MAPK4: variants seen among roughly 807,000 people sequenced by gnomAD.
The protein encoded by MAPK4 is mitogen-activated protein kinase 4.
MAPK4 carries 22 observed loss-of-function variants against 47.7 expected under a neutral mutation model. The ratio of observed to expected loss-of-function variants is 0.46; its 90% CI spans 0.33 to 0.66. MAPK4 has a LOEUF of 0.66. Among genes scored for constraint, MAPK4 ranks in the 30% least tolerant of loss-of-function variants. The probability of loss-of-function intolerance (pLI) is 0.02; values close to 1 mark genes in which losing one functional copy is unlikely to be tolerated. For missense variants in MAPK4, 736 were observed against 831.7 expected (o/e 0.88, Z 1.42); for synonymous variants, 390 against 365.7 (o/e 1.07, Z -0.76).
chr18:50,723,002 G>A (rs181176736), intron 4 of MAPK4, among the ~76,000 whole-genome samples: 29 of 152,314 alleles, frequency 1.9e-4, no homozygotes, highest in African/African-American at 6.5e-4. Context: ...CGGGGAGGGT[G>A]AGCCTAGGGA....
rs372282792 is a variant in MAPK4, at chr18:50,614,913, G to A, written c.-870-48176G>A. On this transcript the variant is annotated intron_variant, in intron 1 of 5. Transcript: ENST00000400384. Reference sequence around the variant, plus strand: ...TCTGTTACATTGCTGGTCTCTGAGGGAGGAGTTGTTGAGTCAATACTTAAG... The same window carrying A: ...TCTGTTACATTGCTGGTCTCTGAGGAAGGAGTTGTTGAGTCAATACTTAAG... Among the ~76,000 whole-genome samples, 17 of 152,308 alleles carry A rather than the reference G, an allele frequency of 1.1e-4. 1 individual carries two copies. The East Asian group carries it at 1.9e-3, about 17-fold the overall frequency.
intron 1 of MAPK4, among the ~76,000 whole-genome samples, chr18:50,628,797 G>C (rs9304402): frequency 0.46 from 69,286 of 152,040 alleles, 16,010 homozygotes; most frequent in Middle Eastern, 0.56. Flanking sequence ...TATCACAATT[G>C]TCTCAGCTAA....
intron 1 of MAPK4, among the ~76,000 whole-genome samples, chr18:50,641,862 G>T (rs2042943827): frequency 6.6e-6 from 1 of 152,170 alleles, no homozygotes; most frequent in Non-Finnish European, 1.5e-5. Flanking sequence ...GCATAATTCT[G>T]TATCTATCTT....
Position 50,665,531 on chromosome 18 carries a change from G to T in MAPK4, c.546+1027G>T, listed in dbSNP as rs149076471. Among the ~76,000 whole-genome samples, 930 of 152,320 alleles carry T rather than the reference G, an allele frequency of 6.1e-3. 9 individuals carry two copies. The highest frequency in any genetic ancestry group is 0.021 in the African/African-American group (877 of 41,572). On this transcript the variant is annotated intron_variant, in intron 2 of 5. Coordinates refer to ENST00000400384, the MANE Select transcript of MAPK4 (RefSeq NM_002747.4). ...GGGGTGGGTCATGAAAGGGGAGGGT[G>T]GTTTTGACCTTGAACATGCTTTGGC...
chr18:50,632,549 T>C (rs1457222695), intron 1 of MAPK4, among the ~76,000 whole-genome samples: 1 of 152,146 alleles, frequency 6.6e-6, no homozygotes, highest in African/African-American at 2.4e-5. Flanking sequence ...TTATGGAATT[T>C]TGTGAGTTAT....
chr18:50,639,414 G>T (rs2042918982), intron 1 of MAPK4, among the ~76,000 whole-genome samples: 1 of 152,120 alleles, frequency 6.6e-6, no homozygotes, highest in Non-Finnish European at 1.5e-5. Flanking sequence ...AAGGGAGGTG[G>T]GGGTAAATGA....
intron 1 of MAPK4, among the ~76,000 whole-genome samples, chr18:50,635,413 C>T (rs1244558128): frequency 6.6e-6 from 1 of 152,106 alleles, no homozygotes. Flanking sequence ...CATTTCTATA[C>T]CCACCAGCAC....
chr18:50,722,451 G>A (rs1322663088), intron 4 of MAPK4, among the ~76,000 whole-genome samples: 1 of 152,190 alleles, frequency 6.6e-6, no homozygotes, highest in Admixed American at 6.5e-5. Flanking sequence ...CAGCCTGAGG[G>A]CAAGACCCAG....
intron 1 of MAPK4, among the ~76,000 whole-genome samples, chr18:50,570,108 A>C (rs2042236808): frequency 6.6e-6 from 1 of 152,254 alleles, no homozygotes; most frequent in African/African-American, 2.4e-5. Flanking sequence ...GGTGGGACCC[A>C]GTCAGATCAT....
rs1308541769 is a variant in MAPK4, at chr18:50,663,258, C to G, written c.-701C>G. The G allele has an allele frequency of 6.6e-6, 1 of 152,228 alleles. No individual in the cohort carries two copies. Among genetic ancestry groups the G allele is most frequent in the Non-Finnish European group, 1.5e-5 (1 of 68,070 alleles). 9.4% of individuals were successfully genotyped at this position (152,228 alleles called of 1,614,324 possible). On this transcript the variant is annotated 5_prime_UTR_variant, in exon 2 of 6. Transcript: ENST00000400384. ...AGCTGAGCTCCCCTGCATTTGGAAC[C>G]TCAGGCGTAACTTGGTGTAGAGCTC...
At position 50,681,791 on chromosome 18, in the gene MAPK4, T is replaced by C. The variant is rs192400754; in HGVS notation, c.546+17287T>C. ...ATATATCGCTGTTATTCCAGTACTATGCTATCTCAACTACTGCAGTTTGTA... is the reference window on the plus strand; with the variant it reads ...ATATATCGCTGTTATTCCAGTACTACGCTATCTCAACTACTGCAGTTTGTA... On this transcript the variant is annotated intron_variant, in intron 2 of 5. Coordinates refer to ENST00000400384, the MANE Select transcript of MAPK4 (RefSeq NM_002747.4). Among the ~76,000 whole-genome samples, 187 of 152,328 alleles carry C rather than the reference T, an allele frequency of 1.2e-3. 1 individual carries two copies. The highest frequency in any genetic ancestry group is 7.1e-3 in the Admixed American group (109 of 15,300).
intron 4 of MAPK4, 137 bp from the exon 5 acceptor site, chr18:50,725,825 G>C: frequency 2.7e-6 from 2 of 746,800 alleles, no homozygotes; most frequent in Non-Finnish European, 4.6e-6. Flanking sequence ...AGGGTCTTGA[G>C]AAAGAAAATG....
chr18:50,697,054 TTGTC>T (rs553898909), intron 2 of MAPK4, among the ~76,000 whole-genome samples: 2 of 152,028 alleles, frequency 1.3e-5, no homozygotes, highest in Non-Finnish European at 2.9e-5. Flanking sequence ...CACATGCACA[TTGTC>T]TGGCCACACC....
chr18:50,601,650 C>T (rs919293933), intron 1 of MAPK4, among the ~76,000 whole-genome samples: 4 of 152,186 alleles, frequency 2.6e-5, no homozygotes, highest in African/African-American at 9.7e-5. Context: ...TCCAGTACTG[C>T]AAGCTTCACC....
intron 1 of MAPK4, among the ~76,000 whole-genome samples, chr18:50,646,404 C>T (rs1478919183): frequency 3.3e-5 from 5 of 152,282 alleles, no homozygotes; most frequent in Middle Eastern, 3.4e-3. Context: ...AGAGTGACTT[C>T]GTCCTATTCT....
Position 50,573,710 on chromosome 18 carries a change from T to A in MAPK4, c.-871+13467T>A, listed in dbSNP as rs2042270168. On this transcript the variant is annotated intron_variant, in intron 1 of 5. Coordinates refer to ENST00000400384, the MANE Select transcript of MAPK4 (RefSeq NM_002747.4). ...TGCCAAAAGGGTTGGGGACCACTGC[T>A]CTAGACTAATTTCTCATTAGAAATT... is the stretch of plus-strand genomic sequence containing the variant. Among the ~76,000 whole-genome samples the A allele has an allele frequency of 2.6e-5, 4 of 152,212 alleles. No individual in the cohort carries two copies. The South Asian group carries it at 8.3e-4, about 31-fold the overall frequency.
At chr18:50,571,176 T>C (rs1382688037) in intron 1 of MAPK4, among the ~76,000 whole-genome samples, 3 of 152,128 alleles carry the variant, frequency 2.0e-5, no homozygotes, top group African/African-American at 4.8e-5. Flanking sequence ...CATGGAGCCT[T>C]TTATGTATTC....
intron 2 of MAPK4, among the ~76,000 whole-genome samples, chr18:50,700,010 G>A (rs1195666882): frequency 6.6e-6 from 1 of 152,110 alleles, no homozygotes; most frequent in Non-Finnish European, 1.5e-5. Flanking sequence ...TTTTTGGGGA[G>A]GGTAGGAGTT....
At chr18:50,713,382 G>A (rs1910477803) in intron 2 of MAPK4, among the ~76,000 whole-genome samples, 1 of 152,254 alleles carries the variant, frequency 6.6e-6, no homozygotes, top group African/African-American at 2.4e-5. Flanking sequence ...ACCTTGGAAA[G>A]TGGAACCTGG....
Sources: allele counts gnomAD v4.1 joint callset (sites outside exome capture counted in the v4.1 genomes callset), GRCh38; gene constraint gnomAD v4.1.1; transcripts MANE v1.5; gene names NCBI Gene and HGNC (gene_info 2026-07-23, HGNC 2026-07-21).